MLLT10: variants seen among roughly 807,000 people sequenced by gnomAD.
The protein encoded by MLLT10 is protein AF-10.
A neutral mutation model predicts 129.1 loss-of-function variants in MLLT10; 30 were observed. That is an observed-to-expected ratio of 0.23 (90% CI 0.17 to 0.32). MLLT10 has a LOEUF of 0.32. MLLT10 is among the 10% of genes least tolerant of loss of function. The pLI, the probability that MLLT10 is intolerant of heterozygous loss-of-function variation, is 1.00. For missense variants in MLLT10, 1,119 were observed against 1,268.3 expected (o/e 0.88, Z 1.79); for synonymous variants, 490 against 446.4 (o/e 1.10, Z -1.23).
intron 13 of MLLT10, among the ~76,000 whole-genome samples, chr10:21,690,108 A>G (rs2053713534): frequency 6.6e-6 from 1 of 152,080 alleles, no homozygotes; most frequent in Non-Finnish European, 1.5e-5. Context: ...CTCTGAGACT[A>G]GTATAGGCTG....
chr10:21,621,250 CTT>C (rs1410904986), intron 8 of MLLT10, among the ~76,000 whole-genome samples: 2 of 111,152 alleles, frequency 1.8e-5, no homozygotes. Context: ...CCCCGCTCCC[CTT>C]TTTTTTTTTT....
intron 3 of MLLT10, among the ~76,000 whole-genome samples, chr10:21,556,208 C>T (rs968829371): frequency 6.6e-6 from 1 of 152,040 alleles, no homozygotes; most frequent in Non-Finnish European, 1.5e-5. Flanking sequence ...GGTGGTCCGC[C>T]CTCCTCGGCC....
At chr10:21,727,828 T>C (rs1564731782) in intron 15 of MLLT10, 28 bp from the exon 16 acceptor site, 1 of 1,589,942 alleles carries the variant, frequency 6.3e-7, no homozygotes, top group Non-Finnish European at 8.6e-7. Context: ...AGAGTCACTT[T>C]ATCAGCTCTG....
intron 22 of MLLT10, among the ~76,000 whole-genome samples, chr10:21,740,813 C>T (rs1057271593): frequency 2.6e-5 from 4 of 152,220 alleles, no homozygotes; most frequent in Non-Finnish European, 4.4e-5. Context: ...TCTACACATA[C>T]AGTAGAACCC....
At position 21,607,037 on chromosome 10, in the gene MLLT10, G is replaced by A. The variant is rs139798443; in HGVS notation, c.406-5311G>A. Among the ~76,000 whole-genome samples, 227 of 152,274 alleles carry A rather than the reference G, an allele frequency of 1.5e-3. 1 individual carries two copies. Among genetic ancestry groups the A allele is most frequent in the South Asian group, 2.5e-3 (12 of 4,826 alleles). ...CAGCCCTTTTGGAGACAGTAGGATT[G>A]CTTGAAGCCAGGAGTTTGAGACCAC... On this transcript the variant is annotated intron_variant, in intron 5 of 22. Coordinates refer to ENST00000307729, the MANE Select transcript of MLLT10 (RefSeq NM_001195626.3).
intron 4 of MLLT10, among the ~76,000 whole-genome samples, chr10:21,587,485 G>A (rs368902262): frequency 6.9e-6 from 1 of 145,080 alleles, no homozygotes; most frequent in East Asian, 2.1e-4. Context: ...GCTTTCCTAT[G>A]AACCCTTGTA....
At chr10:21,534,571 CG>C (rs1455187591) in intron 1 of MLLT10, 51 bp downstream of exon 1, 29 of 1,117,684 alleles carry the variant, frequency 2.6e-5, no homozygotes, top group African/African-American at 3.2e-5. Context: ...GGGGCGGGCT[CG>C]GGGGGCTGTG....
intron 3 of MLLT10, among the ~76,000 whole-genome samples, chr10:21,576,650 G>A (rs1310540077): frequency 1.4e-5 from 2 of 141,816 alleles, no homozygotes; most frequent in African/African-American, 2.6e-5. Flanking sequence ...TTTTTTTTGA[G>A]TTGGAGTTTT....
At chr10:21,630,524 T>A (rs2131263945) in intron 8 of MLLT10, among the ~76,000 whole-genome samples, 1 of 152,316 alleles carries the variant, frequency 6.6e-6, no homozygotes, top group Admixed American at 6.5e-5. Context: ...TTGTTTATGT[T>A]GTTTATATAG....
intron 3 of MLLT10, chr10:21,551,800 C>CTTTTT: frequency 2.9e-6 from 1 of 346,794 alleles, no homozygotes; most frequent in Non-Finnish European, 5.5e-6. Flanking sequence ...GTCTCTCTCT[C>CTTTTT]TTTTTTTTTT....
At position 21,637,262 on chromosome 10, in the gene MLLT10, G is replaced by A. The variant is rs1181487772; in HGVS notation, c.700-14411G>A. On this transcript the variant is annotated intron_variant, in intron 8 of 22. Transcript: ENST00000307729. ...TCCTACCTAGCTTCCAACACAGTGT[G>A]TGGGTTTTGGGCTACTCTCATAGGA... Among the ~76,000 whole-genome samples, 5 of 152,328 alleles carry A rather than the reference G, an allele frequency of 3.3e-5. No homozygotes were observed. In the East Asian group the frequency reaches 9.6e-4, roughly 29 times the overall value.
In MLLT10 at chr10:21,562,494, C is replaced by T. The variant is rs185278733; in HGVS notation, c.240+23582C>T. ...CTGAGATTACAGGTGCCCGCCATCA[C>T]GCCCGGCTAATTTTTGTATTTTTAG... On this transcript the variant is annotated intron_variant, in intron 3 of 22. Coordinates refer to ENST00000307729, the MANE Select transcript of MLLT10 (RefSeq NM_001195626.3). Among the ~76,000 whole-genome samples the T allele has an allele frequency of 2.3e-3, 347 of 151,734 alleles. 3 individuals carry two copies. Among genetic ancestry groups the T allele is most frequent in the African/African-American group, 7.8e-3 (323 of 41,342 alleles).
chr10:21,726,317 T>C lies in MLLT10; in HGVS notation c.1952T>C (p.Met651Thr). ...HMYGNRSNSS[M>T]AALIAQSENN... The stretch of plus-strand genomic sequence containing the variant: ...TATGGCAATAGATCAAATTCATCAA[T>C]GGCAGCTCTTATAGCTCAGTCTGAA... The change falls in exon 15 of 23, where the codon ATG becomes ACG. Residue 651 changes from methionine to threonine, a missense_variant. Met to Thr is a moderately conservative substitution (Grantham distance 81). This residue lies in a region of MLLT10 where 1,004 missense variants were observed against 1,008.7 expected (regional missense o/e 1.00). Transcript: ENST00000307729. 5 of 1,613,168 alleles carry C rather than the reference T, an allele frequency of 3.1e-6. No homozygotes were observed. The highest frequency in any genetic ancestry group is 4.2e-6 in the Non-Finnish European group (5 of 1,179,310).
At chr10:21,703,822 G>T (rs1015256569) in intron 13 of MLLT10, among the ~76,000 whole-genome samples, 1 of 151,624 alleles carries the variant, frequency 6.6e-6, no homozygotes, top group Non-Finnish European at 1.5e-5. Context: ...GGGATTACAG[G>T]TGTGAGCCAT....
intron 13 of MLLT10, 23 bp downstream of exon 13, chr10:21,682,280 C>T (rs757863206): frequency 3.7e-6 from 6 of 1,604,486 alleles, no homozygotes; most frequent in South Asian, 3.4e-5. Flanking sequence ...AGAATCTTCT[C>T]TAGTGGTTCG....
intron 2 of MLLT10, among the ~76,000 whole-genome samples, chr10:21,535,204 G>A (rs2033710586): frequency 6.6e-6 from 1 of 152,026 alleles, no homozygotes; most frequent in Non-Finnish European, 1.5e-5. Context: ...AGAGTGGAGC[G>A]CCCTCTTCTC....
chr10:21,668,920 A>G, intron 9 of MLLT10: 1 of 1,268,648 alleles, frequency 7.9e-7, no homozygotes, highest in South Asian at 1.4e-5. Flanking sequence ...TCACTAGGTC[A>G]TGCAAGGATC....
chr10:21,691,892 CG>C (rs2053883988), intron 13 of MLLT10, among the ~76,000 whole-genome samples: 1 of 149,758 alleles, frequency 6.7e-6, no homozygotes, highest in Admixed American at 6.7e-5. Flanking sequence ...AGACTGGGCA[CG>C]GTGGCTCACG....
chr10:21,655,348 G>C (rs1184852097), intron 9 of MLLT10, among the ~76,000 whole-genome samples: 1 of 152,208 alleles, frequency 6.6e-6, no homozygotes, highest in East Asian at 1.9e-4. Flanking sequence ...TTTAGGTTTT[G>C]TAGGCCATAC....
Sources: gnomAD v4.1 joint callset for allele counts (sites outside exome capture counted in the v4.1 genomes callset) on GRCh38, gnomAD v4.1.1 for gene constraint, gnomAD v4.1.1 regional missense constraint, MANE v1.5 for transcripts, NCBI Gene and HGNC (gene_info 2026-07-23, HGNC 2026-07-21) for gene names.